ANKRD26: variants seen among roughly 807,000 people sequenced by gnomAD.
The protein encoded by ANKRD26 is ankyrin repeat domain 26, also known as ankyrin repeat domain-containing protein 26.
ANKRD26 carries 141 observed loss-of-function variants against 208.7 expected under a neutral mutation model. The ratio of observed to expected loss-of-function variants is 0.68; its 90% confidence interval spans 0.59 to 0.78. ANKRD26 has a LOEUF of 0.78. Among genes scored for constraint, ANKRD26 ranks in the 30% least tolerant of loss-of-function variants. ANKRD26 has a pLI of 0.00. For synonymous variants in ANKRD26, 636 were observed against 660.4 expected (o/e 0.96, Z 0.57); for missense variants, 1,889 against 1,938.7 (o/e 0.97, Z 0.48).
downstream of ANKRD26, among the ~76,000 whole-genome samples, chr10:27,002,126 C>T (rs2052738838): frequency 6.6e-6 from 1 of 152,052 alleles, no homozygotes; most frequent in South Asian, 2.1e-4. Flanking sequence ...TGGCCTGGCA[C>T]AGGGTGTCTG....
chr10:27,085,819 A>T (rs183895444), intron 5 of ANKRD26, among the ~76,000 whole-genome samples: 13 of 152,130 alleles, frequency 8.5e-5, no homozygotes, highest in Non-Finnish European at 1.6e-4. Flanking sequence ...CTTATTTCTC[A>T]GCCTACTCAA....
intron 32 of ANKRD26, among the ~76,000 whole-genome samples, chr10:27,007,970 T>C (rs897322551): frequency 1.3e-5 from 2 of 152,044 alleles, no homozygotes; most frequent in East Asian, 1.9e-4. Context: ...ACAAAAAATA[T>C]ATAGCTCTTT....
chr10:26,969,442 C>T (rs551289318), downstream of ANKRD26, among the ~76,000 whole-genome samples: 211 of 152,236 alleles, frequency 1.4e-3, 1 homozygote, highest in African/African-American at 4.9e-3. Flanking sequence ...GCAAAGCTGG[C>T]CTGAGAATTG....
intron 9 of ANKRD26, among the ~76,000 whole-genome samples, chr10:27,069,742 A>T (rs1006757110): frequency 3.9e-5 from 6 of 152,194 alleles, no homozygotes; most frequent in African/African-American, 1.4e-4. Context: ...AAATAATATG[A>T]ACCTACACAG....
At chr10:26,976,731 G>A (rs1449086405) in intron 5 of ANKRD26, among the ~76,000 whole-genome samples, 3 of 152,008 alleles carry the variant, frequency 2.0e-5, no homozygotes, top group African/African-American at 2.4e-5. Context: ...AGCTCACTGC[G>A]TGTGCAAAGG....
At chr10:27,082,729 C>CAG in intron 6 of ANKRD26, 74 bp downstream of exon 6, 1 of 1,511,918 alleles carries the variant, frequency 6.6e-7, no homozygotes, top group Non-Finnish European at 8.9e-7. Context: ...GGTGTCTACC[C>CAG]AGAGTAGGGC....
chr10:26,996,959 T>C (rs1397031819), intron 4 of ANKRD26, among the ~76,000 whole-genome samples: 2 of 152,194 alleles, frequency 1.3e-5, no homozygotes, highest in African/African-American at 2.4e-5. Context: ...TACTAAACTA[T>C]GGTACATTGT....
At chr10:27,058,798 G>A (rs1282636650) in intron 15 of ANKRD26, among the ~76,000 whole-genome samples, 1 of 151,878 alleles carries the variant, frequency 6.6e-6, no homozygotes, top group Non-Finnish European at 1.5e-5. Context: ...GGATGGTCTC[G>A]ATCTCCTGAC....
rs554877762 is a variant in ANKRD26 at position 27,047,513 on chromosome 10, C to T, written c.1815-990G>A. ...GTGCGGGCCTGTAATCCCAGCTACT[C>T]GGGAAGTTGAGGCAGGAGAATTGCT... On this transcript the variant is annotated intron_variant, in intron 17 of 33. Transcript: ENST00000376087. Among the ~76,000 whole-genome samples the T allele has an allele frequency of 4.6e-5, 7 of 151,650 alleles. No homozygotes were observed. In the South Asian group the frequency reaches 1.5e-3, roughly 32 times the overall value.
chr10:27,051,247 T>C (rs2135371164), intron 16 of ANKRD26: 2 of 1,289,794 alleles, frequency 1.6e-6, no homozygotes, highest in Non-Finnish European at 2.0e-6. Context: ...TTATAGTTAT[T>C]AGCACTGCAA....
At chr10:26,986,067 G>A (rs1201134709) in intron 3 of ANKRD26, among the ~76,000 whole-genome samples, 4 of 152,078 alleles carry the variant, frequency 2.6e-5, no homozygotes, top group Non-Finnish European at 4.4e-5. Context: ...CATGGTACTG[G>A]TACCAAAACA....
At chr10:27,037,764 T>C in intron 22 of ANKRD26, 107 bp downstream of exon 22, 1 of 926,010 alleles carries the variant, frequency 1.1e-6, no homozygotes, top group Non-Finnish European at 1.6e-6. Context: ...CAGCTTGAGA[T>C]AACAGTTTTG....
chr10:27,022,147 A>G (rs902510772), intron 29 of ANKRD26, among the ~76,000 whole-genome samples: 4 of 152,176 alleles, frequency 2.6e-5, no homozygotes, highest in Non-Finnish European at 4.4e-5. Context: ...CATTATCCTT[A>G]GTAAACTAAC....
rs146133376 is a variant in ANKRD26, at chr10:27,011,311, C to T, written c.4953+1571G>A. ...TTGCTATGCTGCCCAGGCTGGAGTG[C>T]GGCTGCTATTCACAGTTGCAGTAAA... On this transcript the variant is annotated intron_variant, in intron 32 of 33. Transcript: ENST00000376087. Among the ~76,000 whole-genome samples, 350 of 152,240 alleles carry T rather than the reference C, an allele frequency of 2.3e-3. 2 individuals are homozygous for T. The highest frequency in any genetic ancestry group is 0.014 in the Middle Eastern group (4 of 294).
chr10:27,075,251 T>C (rs1431035018), intron 9 of ANKRD26, among the ~76,000 whole-genome samples: 1 of 152,160 alleles, frequency 6.6e-6, no homozygotes, highest in Non-Finnish European at 1.5e-5. Flanking sequence ...AATATTACCA[T>C]TGAAGTAAAT....
At chr10:26,980,571 C>T (rs2052291901) in intron 5 of ANKRD26, among the ~76,000 whole-genome samples, 1 of 152,148 alleles carries the variant, frequency 6.6e-6, no homozygotes, top group African/African-American at 2.4e-5. Context: ...CTGGGGTTTC[C>T]CTACCTGTTA....
At chr10:27,045,168 A>G (rs11015477) in intron 18 of ANKRD26, among the ~76,000 whole-genome samples, 16,052 of 152,232 alleles carry the variant, frequency 0.11, 1,141 homozygotes, top group East Asian at 0.28. Context: ...TCACGCCTGT[A>G]ATCTCAGCAC....
rs967269144 is a variant in ANKRD26 at position 27,022,762 on chromosome 10, T to C, written c.4086-75A>G. On this transcript the variant is annotated intron_variant, in intron 28 of 33. Transcript: ENST00000376087. ...TTAATAATTATTTAAACAGATATTA[T>C]GTTTTAGCATGTAAGAAAAACAAAT... 1.3e-5 allele frequency: 17 copies of C among 1,336,720 alleles called. 1 individual carries two copies. Among genetic ancestry groups the C allele is most frequent in the Non-Finnish European group, 1.8e-5 (17 of 968,124 alleles). 82.8% of individuals were successfully genotyped at this position (1,336,720 alleles called of 1,614,324 possible).
chr10:27,011,460 T>C (rs989040172), intron 32 of ANKRD26, among the ~76,000 whole-genome samples: 1 of 152,268 alleles, frequency 6.6e-6, no homozygotes, highest in South Asian at 2.1e-4. Flanking sequence ...CAGTCAAAAA[T>C]GGTCAAAAGT....
Sources: gnomAD v4.1 joint callset for allele counts (sites outside exome capture counted in the v4.1 genomes callset) on GRCh38, gnomAD v4.1.1 for gene constraint, MANE v1.5 for transcripts, NCBI Gene and HGNC (gene_info 2026-07-23, HGNC 2026-07-21) for gene names.